CTNNA2: variants seen among roughly 807,000 people sequenced by gnomAD.
CTNNA2 encodes the protein catenin alpha 2.
A neutral mutation model predicts 101.0 loss-of-function variants in CTNNA2; 42 were observed. The ratio of observed to expected loss-of-function variants is 0.42; its 90% CI spans 0.32 to 0.54. CTNNA2 has a LOEUF of 0.54. Among genes scored for constraint, CTNNA2 ranks in the 20% least tolerant of loss-of-function variants. The probability of loss-of-function intolerance (pLI) is 0.14; values close to 1 mark genes in which losing one functional copy is unlikely to be tolerated. For synonymous variants in CTNNA2, 450 were observed against 456.4 expected (o/e 0.99, Z 0.18); for missense variants, 871 against 1,223.1 (o/e 0.71, Z 4.29).
At chr2:80,574,400 G>GT (rs1694865692) in intron 13 of CTNNA2, 86 bp downstream of exon 13, 2 of 1,401,458 alleles carry the variant, frequency 1.4e-6, no homozygotes, top group Non-Finnish European at 1.9e-6. Flanking sequence ...TATTTATTTT[G>GT]TAATTACTGA....
intron 7 of CTNNA2, among the ~76,000 whole-genome samples, chr2:80,041,029 G>C (rs1284092696): frequency 6.6e-6 from 1 of 151,182 alleles, no homozygotes; most frequent in African/African-American, 2.4e-5. Context: ...TGTAGATTTT[G>C]GTTTATCCAC....
intron 7 of CTNNA2, among the ~76,000 whole-genome samples, chr2:80,097,155 T>A (rs1334741260): frequency 6.6e-6 from 1 of 152,230 alleles, no homozygotes; most frequent in East Asian, 1.9e-4. Flanking sequence ...CGGTTGTTCC[T>A]TTCCATGTTT....
intron 7 of CTNNA2, among the ~76,000 whole-genome samples, chr2:80,209,893 G>C (rs1707778962): frequency 6.6e-6 from 1 of 152,136 alleles, no homozygotes; most frequent in Admixed American, 6.5e-5. Flanking sequence ...ATATTGGTAT[G>C]CTTATTACAT....
intron 12 of CTNNA2, chr2:80,573,472 A>C (rs1051056962): frequency 3.3e-5 from 5 of 152,096 alleles, no homozygotes; most frequent in Non-Finnish European, 5.9e-5. Context: ...CATTCTGCTG[A>C]AATGTCCCGT....
chr2:80,553,862 G>C (rs539743771), intron 11 of CTNNA2, among the ~76,000 whole-genome samples: 32 of 152,180 alleles, frequency 2.1e-4, no homozygotes, highest in African/African-American at 7.2e-4. Context: ...GTCCTTTTAG[G>C]TATATACTGT....
chr2:79,813,066 A>G (rs930872098), intron 3 of CTNNA2, among the ~76,000 whole-genome samples: 1 of 152,168 alleles, frequency 6.6e-6, no homozygotes, highest in Non-Finnish European at 1.5e-5. Flanking sequence ...CAGTTTTCCC[A>G]TAGATGAGGG....
chr2:79,573,652 A>G (rs1675604151), intron 1 of CTNNA2: 1 of 152,246 alleles, frequency 6.6e-6, no homozygotes, highest in African/African-American at 2.4e-5. Flanking sequence ...TTTATTTTAG[A>G]AAACTAAACA....
chr2:79,231,911 T>C (rs1214640825), intron 2 of CTNNA2, among the ~76,000 whole-genome samples: 3 of 152,216 alleles, frequency 2.0e-5, no homozygotes, highest in Non-Finnish European at 4.4e-5. Flanking sequence ...TGATCTTGTA[T>C]CCTAAAACTT....
chr2:79,779,187 GA>G (rs1365488504), intron 3 of CTNNA2, among the ~76,000 whole-genome samples: 1 of 151,708 alleles, frequency 6.6e-6, no homozygotes, highest in East Asian at 1.9e-4. Flanking sequence ...TTTTAATGGG[GA>G]AAAAATAGTC....
intron 9 of CTNNA2, among the ~76,000 whole-genome samples, chr2:80,450,370 C>A (rs1458649349): frequency 6.6e-6 from 1 of 151,814 alleles, no homozygotes; most frequent in African/African-American, 2.4e-5. Flanking sequence ...GGTTGTTCAG[C>A]CAGTTTAGAA....
At chr2:80,556,000 G>T in intron 12 of CTNNA2, 107 bp downstream of exon 12, 1 of 731,484 alleles carries the variant, frequency 1.4e-6, no homozygotes, top group Admixed American at 3.1e-5. Flanking sequence ...CTTCTAAATT[G>T]CACATAATTG....
chr2:80,457,642 T>G (rs1684093792), intron 9 of CTNNA2, among the ~76,000 whole-genome samples: 1 of 152,144 alleles, frequency 6.6e-6, no homozygotes, highest in Non-Finnish European at 1.5e-5. Context: ...TTGTATCTCT[T>G]CTCAGACTCA....
chr2:80,497,240 C>T (rs1687545952), intron 9 of CTNNA2, among the ~76,000 whole-genome samples: 1 of 152,180 alleles, frequency 6.6e-6, no homozygotes, highest in Non-Finnish European at 1.5e-5. Context: ...TTGTGTGAGG[C>T]ACAAGGGTGT....
At chr2:79,796,516 AC>A (rs1675714716) in intron 3 of CTNNA2, among the ~76,000 whole-genome samples, 1 of 152,134 alleles carries the variant, frequency 6.6e-6, no homozygotes, top group Non-Finnish European at 1.5e-5. Context: ...CAGCATATAC[AC>A]TTCGTGAGAA....
chr2:79,533,248 T>C (rs1275441459), intron 1 of CTNNA2, among the ~76,000 whole-genome samples: 1 of 152,118 alleles, frequency 6.6e-6, no homozygotes, highest in African/African-American at 2.4e-5. Context: ...ACCCGCTACA[T>C]AACCTGTACT....
At chr2:79,654,997 C>A (rs932478611) in intron 2 of CTNNA2, among the ~76,000 whole-genome samples, 2 of 151,982 alleles carry the variant, frequency 1.3e-5, no homozygotes, top group Admixed American at 1.3e-4. Flanking sequence ...AAAATATGGA[C>A]TTATAATTGT....
intron 9 of CTNNA2, among the ~76,000 whole-genome samples, chr2:80,517,676 C>T (rs1266476885): frequency 6.6e-6 from 1 of 152,068 alleles, no homozygotes; most frequent in South Asian, 2.1e-4. Context: ...TGTCTAGAGC[C>T]GAGAGTAATA....
intron 8 of CTNNA2, among the ~76,000 whole-genome samples, chr2:80,413,917 A>G (rs1006524847): frequency 6.6e-6 from 1 of 152,298 alleles, no homozygotes; most frequent in East Asian, 1.9e-4. Context: ...AGTTAACACT[A>G]TTATTCTTAA....
chr2:80,212,778 G>A (rs1707985428), intron 7 of CTNNA2, among the ~76,000 whole-genome samples: 1 of 152,070 alleles, frequency 6.6e-6, no homozygotes, highest in African/African-American at 2.4e-5. Flanking sequence ...GATTGGAATA[G>A]TTTCAGAAGG....
Sources: gnomAD v4.1 joint callset for allele counts (sites outside exome capture counted in the v4.1 genomes callset) on GRCh38, gnomAD v4.1.1 for gene constraint, MANE v1.5 for transcripts, NCBI Gene and HGNC (gene_info 2026-07-23, HGNC 2026-07-21) for gene names.